PDE4B: variants seen among roughly 807,000 people sequenced by gnomAD.
PDE4B encodes the protein 3',5'-cyclic-AMP phosphodiesterase 4B.
PDE4B carries 20 observed loss-of-function variants against 82.2 expected under a neutral mutation model. The observed-to-expected ratio is 0.24, with a 90% CI of 0.17 to 0.35. The LOEUF is 0.35. Ranked by LOEUF, PDE4B falls within the 10% of genes least tolerant of loss-of-function variation. The pLI, the probability that PDE4B is intolerant of heterozygous loss-of-function variation, is 1.00. For synonymous variants in PDE4B, 320 were observed against 318.9 expected, an observed-to-expected ratio of 1.00 and a Z score of -0.04; for missense variants, 655 against 907.2, an observed-to-expected ratio of 0.72 and a Z score of 3.57.
intron 3 of PDE4B, among the ~76,000 whole-genome samples, chr1:65,975,455 G>T (rs1442243990): frequency 6.6e-6 from 1 of 152,152 alleles, no homozygotes; most frequent in African/African-American, 2.4e-5. Flanking sequence ...CTGGCCATGT[G>T]GTAGAAAAGA....
intron 7 of PDE4B, among the ~76,000 whole-genome samples, chr1:66,314,137 G>A (rs1312758205): frequency 6.6e-6 from 1 of 152,072 alleles, no homozygotes; most frequent in Non-Finnish European, 1.5e-5. Context: ...ACATTGCTTA[G>A]AACTTAGCTC....
rs78313463 is a variant in PDE4B, at chr1:66,357,255, C to G, written c.841+1635C>G. On this transcript the variant is annotated intron_variant, in intron 9 of 16. Transcript: ENST00000341517. Reference sequence around the variant, plus strand: ...AGCCCTTAATCATCCAAGACTGGACCTAAGCAGTCCTCTTCGTTTGTAGTC... The same window carrying G: ...AGCCCTTAATCATCCAAGACTGGACGTAAGCAGTCCTCTTCGTTTGTAGTC... 2.0e-5 allele frequency among the ~76,000 whole-genome samples: 3 copies of G among 152,298 alleles called. No individual in the cohort carries two copies. In the East Asian group the frequency reaches 5.8e-4, roughly 29 times the overall value.
chr1:66,058,697 T>C (rs995553092), intron 3 of PDE4B, among the ~76,000 whole-genome samples: 2 of 152,178 alleles, frequency 1.3e-5, no homozygotes, highest in Non-Finnish European at 2.9e-5. Flanking sequence ...CTTTTAGTCA[T>C]GGCTGGAGAG....
At chr1:66,114,760 CG>C (rs202178681) in intron 3 of PDE4B, among the ~76,000 whole-genome samples, 9,472 of 151,844 alleles carry the variant, frequency 0.062, 426 homozygotes, top group South Asian at 0.17. Context: ...CTCAGCCTCC[CG>C]GGTAGCTGGG....
chr1:66,367,620 A>T, intron 13 of PDE4B, 76 bp from the exon 14 acceptor site: 1 of 1,256,064 alleles, frequency 8.0e-7, no homozygotes, highest in South Asian at 1.4e-5. Context: ...ACTAGGTCTG[A>T]TTTCACTTTG....
chr1:65,918,618 T>C lies in PDE4B; in HGVS notation c.64T>C (p.Cys22Arg). The change falls in exon 3 of 17, where the codon TGT (cysteine) becomes CGT (arginine). Residue 22 changes from cysteine (C) to arginine (R), a missense_variant. By Grantham distance (180) the Cys-to-Arg change is radical. This residue lies in a region of PDE4B where 253 missense variants were observed against 275.6 expected (regional missense o/e 0.92). Transcript: ENST00000341517. ...CCAGAATGTTAAAGATTATTTTGAA[T>C]GTAGCTTGAGTAAATCCTACAGTTC... ...ADDNVKDYFE[C>R]SLSKSYSSSS... The C allele has an allele frequency of 6.2e-7, 1 of 1,604,734 alleles. No individual in the cohort carries two copies. The highest frequency in any genetic ancestry group is 1.3e-5 in the African/African-American group (1 of 74,882).
chr1:65,816,521 C>T (rs557890352), intron 1 of PDE4B, among the ~76,000 whole-genome samples: 2 of 152,078 alleles, frequency 1.3e-5, no homozygotes, highest in East Asian at 3.9e-4. Flanking sequence ...GTATCAATAA[C>T]CATAAAATGG....
rs143146315 is a variant in PDE4B, at chr1:66,370,783, A to G, written c.1846-1530A>G. On this transcript the variant is annotated intron_variant, in intron 16 of 16. Transcript: ENST00000341517. ...GTGTTCAGCTTATTCAATTTTCTCCATTACCTTGAGCTTGTTATTTTGGGT... is the reference window on the plus strand; with the variant it reads ...GTGTTCAGCTTATTCAATTTTCTCCGTTACCTTGAGCTTGTTATTTTGGGT... Among the ~76,000 whole-genome samples, 651 of 152,114 alleles carry G rather than the reference A, an allele frequency of 4.3e-3. 3 individuals carry two copies. Among genetic ancestry groups the G allele is most frequent in the African/African-American group, 0.014 (561 of 41,520 alleles).
rs1650042870 is a variant in PDE4B, at chr1:65,969,925, A to G, written c.281+51090A>G. Among the ~76,000 whole-genome samples, 3 of 152,122 alleles carry G rather than the reference A, an allele frequency of 2.0e-5. No individual in the cohort carries two copies. The South Asian group carries it at 6.2e-4, about 32-fold the overall frequency. On this transcript the variant is annotated intron_variant, in intron 3 of 16. Transcript: ENST00000341517. ...TAATAACAATTCTAAGCCAGAACAA[A>G]TAGGAATTTATCAGAAAATTATGGT...
At chr1:65,860,140 C>A (rs929570262) in intron 1 of PDE4B, among the ~76,000 whole-genome samples, 4 of 152,158 alleles carry the variant, frequency 2.6e-5, no homozygotes, top group Non-Finnish European at 5.9e-5. Context: ...ATCAACCTGT[C>A]ATCTAGGTTT....
chr1:65,823,748 A>T (rs976588846), intron 1 of PDE4B, among the ~76,000 whole-genome samples: 1 of 152,066 alleles, frequency 6.6e-6, no homozygotes, highest in Non-Finnish European at 1.5e-5. Flanking sequence ...ATACCTACCT[A>T]CATCTCTAAT....
In PDE4B at chr1:65,916,981, A is replaced by G. The variant is rs1001759887; in HGVS notation, c.43-1616A>G. On this transcript the variant is annotated intron_variant, in intron 2 of 16. Transcript: ENST00000341517. ...TATAAGTCAAGCACAAGAAAATATA[A>G]TGGTGTCTCATTTTCTGGTATGGAG... Among the ~76,000 whole-genome samples the G allele has an allele frequency of 4.6e-5, 7 of 152,326 alleles. No homozygotes were observed. In the East Asian group the frequency reaches 1.3e-3, roughly 29 times the overall value.
At chr1:65,803,877 C>T (rs905201609) in intron 1 of PDE4B, among the ~76,000 whole-genome samples, 3 of 152,110 alleles carry the variant, frequency 2.0e-5, no homozygotes, top group Non-Finnish European at 2.9e-5. Flanking sequence ...GGAAGTTGTT[C>T]CTTATTTCTA....
intron 3 of PDE4B, among the ~76,000 whole-genome samples, chr1:65,940,169 A>G (rs1021226750): frequency 6.6e-6 from 1 of 151,984 alleles, no homozygotes; most frequent in Non-Finnish European, 1.5e-5. Flanking sequence ...AATAAATGGC[A>G]GTTATTGTAT....
At chr1:65,981,017 A>G (rs2100651514) in intron 3 of PDE4B, among the ~76,000 whole-genome samples, 1 of 152,312 alleles carries the variant, frequency 6.6e-6, no homozygotes, top group East Asian at 1.9e-4. Flanking sequence ...TACAGATTTC[A>G]CACCAAAACA....
At chr1:66,025,626 C>T (rs988001589) in intron 3 of PDE4B, among the ~76,000 whole-genome samples, 1 of 152,178 alleles carries the variant, frequency 6.6e-6, no homozygotes, top group Non-Finnish European at 1.5e-5. Context: ...ATAATTTCTT[C>T]CCAGACTAAT....
chr1:65,886,904 C>T lies in PDE4B; in HGVS notation c.-70-26341C>T, dbSNP rs181394314. On this transcript the variant is annotated intron_variant, in intron 1 of 16. Coordinates refer to ENST00000341517, the MANE Select transcript of PDE4B (RefSeq NM_002600.4). ...GGAGAAATACCTAGTAGTGGGATTG[C>T]TAAATTATATTTTTGTTGTATTTTT... Among the ~76,000 whole-genome samples, 392 of 152,198 alleles carry T rather than the reference C, an allele frequency of 2.6e-3. 3 individuals carry two copies. Among genetic ancestry groups the T allele is most frequent in the African/African-American group, 8.8e-3 (367 of 41,530 alleles).
At chr1:65,839,174 T>C (rs2101335731) in intron 1 of PDE4B, among the ~76,000 whole-genome samples, 1 of 152,316 alleles carries the variant, frequency 6.6e-6, no homozygotes, top group South Asian at 2.1e-4. Flanking sequence ...CCTCCAGCTT[T>C]CCAAGATTAG....
chr1:66,158,794 G>A (rs751000716), intron 3 of PDE4B, among the ~76,000 whole-genome samples: 13 of 152,078 alleles, frequency 8.5e-5, no homozygotes, highest in Non-Finnish European at 1.6e-4. Flanking sequence ...TTGTGGCAAC[G>A]TGGTTGAACT....
Sources: gnomAD v4.1 joint callset for allele counts (sites outside exome capture counted in the v4.1 genomes callset) on GRCh38, gnomAD v4.1.1 for gene constraint, gnomAD v4.1.1 regional missense constraint, MANE v1.5 for transcripts, NCBI Gene and HGNC (gene_info 2026-07-23, HGNC 2026-07-21) for gene names.